The following RCOR1 variants were observed in gnomAD, a reference collection of about 807,000 sequenced individuals.
The protein encoded by RCOR1 is REST corepressor 1.
A neutral mutation model predicts 64.0 loss-of-function variants in RCOR1; 12 were observed. The ratio of observed to expected loss-of-function variants is 0.19; its 90% CI spans 0.12 to 0.30. The LOEUF (loss-of-function observed/expected upper bound fraction) is 0.30. RCOR1 is among the 10% of genes least tolerant of loss of function. The probability of loss-of-function intolerance (pLI) is 1.00; values close to 1 mark genes in which losing one functional copy is unlikely to be tolerated. For missense variants in RCOR1, 502 were observed against 621.2 expected, an observed-to-expected ratio of 0.81 and a Z score of 2.04; for synonymous variants, 279 against 227.2, an observed-to-expected ratio of 1.23 and a Z score of -2.05.
At chr14:102,704,512 A>C (rs989054795) in intron 4 of RCOR1, among the ~76,000 whole-genome samples, 17 of 151,794 alleles carry the variant, frequency 1.1e-4, no homozygotes, top group African/African-American at 4.1e-4. Flanking sequence ...GCTCACTACA[A>C]CCTCCGCCTC....
Position 102,592,685 on chromosome 14 carries a change from G to T in RCOR1, c.-202G>T. ...AGTGAGGGCGGCGATGAGAGCGAAA[G>T]TTGCGCTCGGCTCGTCGCTGGGGGC... On this transcript the variant is annotated 5_prime_UTR_variant, in exon 1 of 12. Coordinates refer to ENST00000262241, the MANE Select transcript of RCOR1 (RefSeq NM_015156.4). 1 of 1,227,476 alleles carries T rather than the reference G, an allele frequency of 8.1e-7. No homozygotes were observed. The highest frequency in any genetic ancestry group is 1.0e-6 in the Non-Finnish European group (1 of 985,338). The allele number at this position is 1,227,476 out of a possible 1,614,324, so 76.0% of individuals were successfully genotyped here.
chr14:102,649,928 G>A (rs867261392), intron 2 of RCOR1: 11 of 274,784 alleles, frequency 4.0e-5, no homozygotes, highest in South Asian at 2.8e-4. Flanking sequence ...GGCCGGGCGC[G>A]GTGGCTCACA....
chr14:102,604,756 T>G (rs1019093348), intron 2 of RCOR1, among the ~76,000 whole-genome samples: 1 of 152,048 alleles, frequency 6.6e-6, no homozygotes, highest in Non-Finnish European at 1.5e-5. Flanking sequence ...ATTTAGTGTA[T>G]TTTAGAGAGG....
chr14:102,654,833 CAA>C (rs1894689846), intron 2 of RCOR1, among the ~76,000 whole-genome samples: 1 of 118,428 alleles, frequency 8.4e-6, no homozygotes, highest in African/African-American at 3.4e-5. Flanking sequence ...TTTTTTGAGA[CAA>C]GATCTCTTCG....
chr14:102,602,225 T>A (rs971220891), intron 2 of RCOR1, among the ~76,000 whole-genome samples: 12 of 152,100 alleles, frequency 7.9e-5, no homozygotes, highest in African/African-American at 2.9e-4. Flanking sequence ...TGGAATAATC[T>A]ATGCTATTCA....
intron 11 of RCOR1, among the ~76,000 whole-genome samples, chr14:102,723,637 T>C (rs1896207176): frequency 6.6e-6 from 1 of 152,122 alleles, no homozygotes; most frequent in Non-Finnish European, 1.5e-5. Context: ...TCAGCAGTGA[T>C]TTTTTTCTTT....
At chr14:102,609,373 T>C (rs1893579921) in intron 2 of RCOR1, among the ~76,000 whole-genome samples, 1 of 151,878 alleles carries the variant, frequency 6.6e-6, no homozygotes. Flanking sequence ...ACCATTAAAT[T>C]GTTTTTCACA....
intron 6 of RCOR1, 182 bp from the exon 7 acceptor site, chr14:102,710,751 TTC>T: frequency 1.7e-6 from 1 of 575,674 alleles, no homozygotes; most frequent in East Asian, 3.1e-5. Context: ...GGAGTTGGTA[TTC>T]TGTTTGAATT....
intron 2 of RCOR1, chr14:102,655,996 A>G: frequency 2.1e-6 from 2 of 946,212 alleles, no homozygotes; most frequent in Non-Finnish European, 2.5e-6. Context: ...CACGTGAAAT[A>G]AACCTATGAA....
chr14:102,631,490 A>G (rs1408237662), intron 2 of RCOR1, among the ~76,000 whole-genome samples: 1 of 152,066 alleles, frequency 6.6e-6, no homozygotes, highest in African/African-American at 2.4e-5. Flanking sequence ...GGTGTGAGCC[A>G]TCACGCCCGG....
chr14:102,671,633 G>A (rs967192479), intron 2 of RCOR1, among the ~76,000 whole-genome samples: 2 of 152,140 alleles, frequency 1.3e-5, no homozygotes, highest in Admixed American at 1.3e-4. Context: ...GGCCTCAGCT[G>A]ATCCTCCCAC....
At chr14:102,711,708 T>C (rs1895963584) in intron 7 of RCOR1, among the ~76,000 whole-genome samples, 2 of 152,202 alleles carry the variant, frequency 1.3e-5, no homozygotes, top group Admixed American at 6.5e-5. Context: ...AGAATAGTTA[T>C]TATTTTAAGC....
chr14:102,617,868 G>A (rs1040554464), intron 2 of RCOR1, among the ~76,000 whole-genome samples: 5 of 151,758 alleles, frequency 3.3e-5, no homozygotes, highest in African/African-American at 4.8e-5. Context: ...GATTACAGGC[G>A]TGAGCCACCG....
At chr14:102,698,808 G>C (rs78142501) in intron 3 of RCOR1, among the ~76,000 whole-genome samples, 13,690 of 152,190 alleles carry the variant, frequency 0.09, 675 homozygotes, top group Middle Eastern at 0.17. Flanking sequence ...AGAACCACCT[G>C]TTCGAGCAGC....
intron 2 of RCOR1, among the ~76,000 whole-genome samples, chr14:102,671,709 G>A (rs548416124): frequency 6.6e-6 from 1 of 152,144 alleles, no homozygotes; most frequent in Non-Finnish European, 1.5e-5. Context: ...AACAAAACAC[G>A]CAGTTCACTT....
At chr14:102,625,487 G>A (rs539040440) in intron 2 of RCOR1, among the ~76,000 whole-genome samples, 6 of 150,982 alleles carry the variant, frequency 4.0e-5, no homozygotes, top group Admixed American at 6.6e-5. Context: ...TCCCCGCTTC[G>A]GCCTCCCAAA....
intron 2 of RCOR1, among the ~76,000 whole-genome samples, chr14:102,634,497 C>T (rs964100771): frequency 6.6e-6 from 1 of 151,972 alleles, no homozygotes; most frequent in Non-Finnish European, 1.5e-5. Context: ...ATATCTGGTT[C>T]CCACTATCTA....
intron 2 of RCOR1, among the ~76,000 whole-genome samples, chr14:102,644,251 G>T (rs1894433712): frequency 6.6e-6 from 1 of 152,184 alleles, no homozygotes; most frequent in African/African-American, 2.4e-5. Flanking sequence ...AGTATCGCAA[G>T]AAAACTGACT....
intron 2 of RCOR1, among the ~76,000 whole-genome samples, chr14:102,618,256 C>T (rs970603626): frequency 5.3e-5 from 8 of 152,066 alleles, no homozygotes; most frequent in African/African-American, 1.9e-4. Context: ...GGATTACAGT[C>T]GTGAGCCACT....
Sources: allele counts gnomAD v4.1 joint callset (sites outside exome capture counted in the v4.1 genomes callset), GRCh38; gene constraint gnomAD v4.1.1; transcripts MANE v1.5; gene names NCBI Gene and HGNC (gene_info 2026-07-23, HGNC 2026-07-21).